The following SNRPN variants were observed in gnomAD, a reference collection of about 807,000 sequenced individuals.
SNRPN encodes the protein small nuclear ribonucleoprotein-associated protein N.
In SNRPN, 7 loss-of-function variants were observed where a neutral mutation model predicts 25.2. The observed-to-expected ratio is 0.28, with a 90% CI of 0.16 to 0.52. The LOEUF is 0.52. Ranked by LOEUF, SNRPN falls within the 20% of genes least tolerant of loss-of-function variation. The pLI, the probability that SNRPN is intolerant of heterozygous loss-of-function variation, is 0.96. For missense variants in SNRPN, 196 were observed against 322.5 expected (o/e 0.61, Z 3.00); for synonymous variants, 124 against 110.6 (o/e 1.12, Z -0.76).
rs1054157966 is a variant in SNRPN, at chr15:24,906,653, G to T, written c.-504-13358G>T. 7.9e-5 allele frequency among the ~76,000 whole-genome samples: 12 copies of T among 152,228 alleles called. No homozygotes were observed. The East Asian group carries it at 1.7e-3, about 22-fold the overall frequency. On this transcript the variant is annotated intron_variant, in intron 2 of 11. Coordinates refer to the SNRPN transcript ENST00000400097. ...TTGTGACCCACTTCAGGGGGAAGAG[G>T]TCAAAGACTGTGCTTCCTGCATCTA...
At chr15:24,916,728 A>C (rs1321908400) in intron 2 of SNRPN, among the ~76,000 whole-genome samples, 1 of 152,154 alleles carries the variant, frequency 6.6e-6, no homozygotes, top group African/African-American at 2.4e-5. Flanking sequence ...TTGAAATTTT[A>C]ATTAAGAATT....
chr15:24,961,831 G>A (rs1282553180), intron 1 of SNRPN, among the ~76,000 whole-genome samples: 2 of 152,060 alleles, frequency 1.3e-5, no homozygotes, highest in Non-Finnish European at 2.9e-5. Flanking sequence ...AATTTTATAT[G>A]TACGTGACTA....
intron 1 of SNRPN, among the ~76,000 whole-genome samples, chr15:24,960,038 G>T (rs986643293): frequency 6.6e-6 from 1 of 152,102 alleles, no homozygotes; most frequent in Non-Finnish European, 1.5e-5. Flanking sequence ...GCCGAGGTGG[G>T]TAGATCACCT....
chr15:24,905,998 C>T (rs1422400735), intron 2 of SNRPN, among the ~76,000 whole-genome samples: 1 of 152,008 alleles, frequency 6.6e-6, no homozygotes, highest in African/African-American at 2.4e-5. Flanking sequence ...GAGTGAGACT[C>T]CTATAACAAA....
Position 24,871,854 on chromosome 15 carries a change from A to G in SNRPN, c.-578-14662A>G, listed in dbSNP as rs376182935. On this transcript the variant is annotated intron_variant, in intron 1 of 11. Coordinates refer to the SNRPN transcript ENST00000400097. The stretch of plus-strand genomic sequence containing the variant: ...CAAGCAGCTGGGACTACAGGCGCCC[A>G]CCACCACGCCTGGCTAATTTTTTTG... Among the ~76,000 whole-genome samples, 73 of 120,032 alleles carry G rather than the reference A, an allele frequency of 6.1e-4. 11 individuals are homozygous for G. The highest frequency in any genetic ancestry group is 4.5e-3 in the East Asian group (15 of 3,338). 78.7% of individuals were successfully genotyped at this position (120,032 alleles called of 152,430 possible).
At chr15:24,959,489 T>C (rs1039728906) in intron 1 of SNRPN, among the ~76,000 whole-genome samples, 1 of 152,160 alleles carries the variant, frequency 6.6e-6, no homozygotes, top group East Asian at 1.9e-4. Flanking sequence ...GTTGAAATAA[T>C]AGAATATTTT....
intron 2 of SNRPN, among the ~76,000 whole-genome samples, chr15:24,963,236 T>C (rs2075117022): frequency 6.6e-6 from 1 of 152,222 alleles, no homozygotes; most frequent in African/African-American, 2.4e-5. Context: ...TGTGATAACA[T>C]TATTATTGTA....
At chr15:24,958,243 A>G (rs993672483) in intron 1 of SNRPN, among the ~76,000 whole-genome samples, 1 of 152,120 alleles carries the variant, frequency 6.6e-6, no homozygotes, top group Admixed American at 6.5e-5. Flanking sequence ...AAGGATGCCA[A>G]GATAACCTCC....
upstream of SNRPN, among the ~76,000 whole-genome samples, chr15:24,855,063 T>C (rs2053262965): frequency 6.6e-6 from 1 of 152,166 alleles, no homozygotes; most frequent in African/African-American, 2.4e-5. Context: ...TGTTCATGGA[T>C]GTTTACATTG....
At chr15:24,831,709 C>T (rs1181965949) in intron 2 of SNRPN, among the ~76,000 whole-genome samples, 1 of 151,998 alleles carries the variant, frequency 6.6e-6, no homozygotes, top group Non-Finnish European at 1.5e-5. Flanking sequence ...TCCGCTTACA[C>T]ATGGGTTCAT....
chr15:24,976,446 T>A (rs2077066156), intron 6 of SNRPN, 30 bp downstream of exon 6: 1 of 1,429,822 alleles, frequency 7.0e-7, no homozygotes, highest in South Asian at 1.2e-5. Flanking sequence ...GGACAGAACT[T>A]TAATTTGCAG....
At chr15:24,960,814 C>T (rs886981675) in intron 1 of SNRPN, among the ~76,000 whole-genome samples, 14 of 152,098 alleles carry the variant, frequency 9.2e-5, no homozygotes, top group African/African-American at 3.1e-4. Flanking sequence ...GAGTGACATA[C>T]AAAAGCTGTA....
intron 1 of SNRPN, among the ~76,000 whole-genome samples, chr15:24,862,763 A>G (rs548049848): frequency 2.0e-5 from 3 of 150,782 alleles, no homozygotes; most frequent in African/African-American, 5.0e-5. Flanking sequence ...GGCCTTCAGG[A>G]GGAGGAGCAT....
At chr15:24,893,815 C>T (rs2057864751) in intron 2 of SNRPN, among the ~76,000 whole-genome samples, 1 of 151,982 alleles carries the variant, frequency 6.6e-6, no homozygotes, top group African/African-American at 2.4e-5. Context: ...GTGCCTCCCT[C>T]AGTCCTTGTT....
intron 1 of SNRPN, among the ~76,000 whole-genome samples, chr15:24,883,022 C>T (rs1566866910): frequency 1.3e-5 from 2 of 152,044 alleles, no homozygotes; most frequent in Non-Finnish European, 2.9e-5. Flanking sequence ...TCATAAAATA[C>T]TGGAAGTGAA....
At chr15:24,858,040 G>A (rs961133767) in intron 1 of SNRPN, among the ~76,000 whole-genome samples, 5 of 152,062 alleles carry the variant, frequency 3.3e-5, no homozygotes, top group African/African-American at 7.2e-5. Flanking sequence ...CTGATCCATC[G>A]GGAGCAGGGC....
chr15:24,954,508 C>A (rs976607087), upstream of SNRPN, among the ~76,000 whole-genome samples: 8 of 152,116 alleles, frequency 5.3e-5, no homozygotes, highest in Non-Finnish European at 1.0e-4. Context: ...CAAATTTGAA[C>A]AATGTAGCAT....
chr15:24,861,953 G>C (rs892083340), intron 1 of SNRPN, among the ~76,000 whole-genome samples: 1 of 143,702 alleles, frequency 7.0e-6, no homozygotes, highest in Non-Finnish European at 1.5e-5. Flanking sequence ...GTGGCAGGAA[G>C]ACTGATGGCA....
At chr15:24,832,627 TC>T (rs1355792457) in intron 2 of SNRPN, among the ~76,000 whole-genome samples, 3 of 151,974 alleles carry the variant, frequency 2.0e-5, no homozygotes, top group African/African-American at 7.3e-5. Context: ...GGGGTCCCTT[TC>T]CACGCAATGG....
Sources: gnomAD v4.1 joint callset for allele counts (sites outside exome capture counted in the v4.1 genomes callset) on GRCh38, gnomAD v4.1.1 for gene constraint, MANE v1.5 for transcripts, NCBI Gene and HGNC (gene_info 2026-07-23, HGNC 2026-07-21) for gene names.